The following USP53 variants were observed in gnomAD, a reference collection of about 807,000 sequenced individuals.
The protein encoded by USP53 is ubiquitin carboxyl-terminal hydrolase 53.
Under a neutral mutation model 94.9 loss-of-function variants are expected in USP53, and 71 were observed. The observed-to-expected ratio is 0.75, with a 90% CI of 0.62 to 0.91. The LOEUF (loss-of-function observed/expected upper bound fraction) is 0.91. Among genes scored for constraint, USP53 ranks in the 40% least tolerant of loss-of-function variants. The pLI, the probability that USP53 is intolerant of heterozygous loss-of-function variation, is 0.00. For synonymous variants in USP53, 375 were observed against 422.7 expected (o/e 0.89, Z 1.39); for missense variants, 1,173 against 1,281.0 (o/e 0.92, Z 1.29).
chr4:119,249,277 T>C (rs1050048972), intron 7 of USP53, among the ~76,000 whole-genome samples: 11 of 152,112 alleles, frequency 7.2e-5, no homozygotes, highest in African/African-American at 2.4e-4. Flanking sequence ...AAGGGGATTT[T>C]GGTGGGATTT....
intron 17 of USP53, among the ~76,000 whole-genome samples, chr4:119,284,689 T>C (rs577740321): frequency 6.6e-6 from 1 of 152,054 alleles, no homozygotes; most frequent in African/African-American, 2.4e-5. Context: ...AGACTAATGG[T>C]TGCACAGCAG....
rs1291418155 is a variant in USP53 at position 119,260,418 on chromosome 4, GT to G, written c.676-87del. 10 of 1,183,480 alleles carry G rather than the reference GT, an allele frequency of 8.4e-6. No individual in the cohort carries two copies. In the African/African-American group the frequency reaches 1.5e-4, roughly 18 times the overall value. 73.3% of individuals were successfully genotyped at this position (1,183,480 alleles called of 1,614,324 possible). ...TATACTGAATAAATTGCAGATATGT[GT>G]TAAAATTGTCATTATATAATGCAAA... On this transcript the variant is annotated intron_variant, in intron 10 of 18. Coordinates refer to ENST00000692078, the MANE Select transcript of USP53 (RefSeq NM_001371395.1).
chr4:119,290,717 C>T (rs1754652113), intron 17 of USP53, among the ~76,000 whole-genome samples: 1 of 152,054 alleles, frequency 6.6e-6, no homozygotes, highest in Non-Finnish European at 1.5e-5. Context: ...TATCATTATC[C>T]CATTATATAA....
intron 12 of USP53, among the ~76,000 whole-genome samples, chr4:119,262,544 A>C (rs1750637206): frequency 6.6e-6 from 1 of 152,202 alleles, no homozygotes. Context: ...AGTTACTTAG[A>C]AAATTATAAG....
intron 7 of USP53, among the ~76,000 whole-genome samples, chr4:119,250,134 A>G (rs1402927783): frequency 6.6e-6 from 1 of 152,098 alleles, no homozygotes; most frequent in Non-Finnish European, 1.5e-5. Context: ...TTTTCTTCCT[A>G]GTGAGATTAT....
At chr4:119,234,256 C>T (rs920532373) in intron 3 of USP53, among the ~76,000 whole-genome samples, 1 of 152,150 alleles carries the variant, frequency 6.6e-6, no homozygotes, top group African/African-American at 2.4e-5. Context: ...AGGTCTTTTC[C>T]ATTTGGTAGC....
At chr4:119,261,666 T>G in intron 11 of USP53, 49 bp from the exon 12 acceptor site, 2 of 1,425,830 alleles carry the variant, frequency 1.4e-6, no homozygotes, top group Non-Finnish European at 9.6e-7. Flanking sequence ...TATTCCTCAT[T>G]TTACAAAAGA....
intron 15 of USP53, among the ~76,000 whole-genome samples, chr4:119,270,248 C>A (rs1216139485): frequency 6.6e-6 from 1 of 151,638 alleles, no homozygotes; most frequent in Non-Finnish European, 1.5e-5. Flanking sequence ...GCACATGCCA[C>A]CACACCTGGC....
At chr4:119,273,454 C>CA in intron 16 of USP53, 178 bp from the exon 17 acceptor site, 1 of 457,956 alleles carries the variant, frequency 2.2e-6, no homozygotes, top group Non-Finnish European at 4.0e-6. Flanking sequence ...TTGACTTTTA[C>CA]AGTCTTTATC....
chr4:119,268,446 C>T, intron 14 of USP53, 26 bp downstream of exon 14: 1 of 1,585,432 alleles, frequency 6.3e-7, no homozygotes, highest in South Asian at 1.2e-5. Context: ...GTCATTTTTA[C>T]ATAGTTCCAA....
At chr4:119,214,435 C>G (rs1199682526) in intron 2 of USP53, among the ~76,000 whole-genome samples, 1 of 151,682 alleles carries the variant, frequency 6.6e-6, no homozygotes, top group African/African-American at 2.4e-5. Context: ...CTGGCCTTTC[C>G]TTTTTCCTAA....
At chr4:119,230,505 C>T (rs192232683) in intron 3 of USP53, among the ~76,000 whole-genome samples, 4 of 152,276 alleles carry the variant, frequency 2.6e-5, no homozygotes, top group Non-Finnish European at 5.9e-5. Context: ...GTGTCCATGA[C>T]CCTTGATAGG....
chr4:119,238,896 A>G (rs1356329061), intron 4 of USP53, among the ~76,000 whole-genome samples: 1 of 152,324 alleles, frequency 6.6e-6, no homozygotes, highest in African/African-American at 2.4e-5. Flanking sequence ...AAGAAGGATA[A>G]CAATATATTC....
At chr4:119,213,641 G>GATAGATATATATATATATATATATAT (rs1553961988) in intron 1 of USP53, among the ~76,000 whole-genome samples, 1 of 108,114 alleles carries the variant, frequency 9.2e-6, no homozygotes, top group African/African-American at 4.2e-5. Flanking sequence ...TCTGGAAATA[G>GATAGATATATATATATATATATATAT]ATATATATAT....
intron 9 of USP53, among the ~76,000 whole-genome samples, chr4:119,257,036 A>T (rs1025181728): frequency 6.6e-6 from 1 of 151,682 alleles, no homozygotes; most frequent in African/African-American, 2.4e-5. Context: ...CTGCCCACTC[A>T]CTCTCTCCCT....
intron 17 of USP53, among the ~76,000 whole-genome samples, chr4:119,279,151 C>T (rs1340876038): frequency 5.4e-5 from 8 of 148,210 alleles, no homozygotes; most frequent in South Asian, 4.4e-4. Context: ...TGAGGAACTG[C>T]GTTCCTTTGA....
At chr4:119,212,920 G>C (rs181671529) in intron 1 of USP53, 47 bp downstream of exon 1, 49 of 176,954 alleles carry the variant, frequency 2.8e-4, no homozygotes, top group Non-Finnish European at 5.1e-4. Context: ...AGAGACCTGC[G>C]ACCCCCGCGG....
chr4:119,291,164 G>C lies in USP53; in HGVS notation c.2252-1G>C. The C allele has an allele frequency of 1.7e-6, 1 of 585,470 alleles. No individual in the cohort carries two copies. Among genetic ancestry groups the C allele is most frequent in the Non-Finnish European group, 2.6e-6 (1 of 381,266 alleles). 36.3% of individuals were successfully genotyped at this position (585,470 alleles called of 1,614,324 possible). A position where few individuals can be genotyped will look rare whatever the true frequency, so the allele number is the denominator to read the frequency against. ...CTTCTCCCCACCCCACCCAACCCTA[G>C]GCTTTAGAAAAGAACTCAGGAATTT... On this transcript the variant is annotated splice_acceptor_variant, in intron 17 of 18. Coordinates refer to ENST00000692078, the MANE Select transcript of USP53 (RefSeq NM_001371395.1). LOFTEE classifies it high-confidence loss of function.
At chr4:119,289,679 A>G (rs1754517203) in intron 17 of USP53, among the ~76,000 whole-genome samples, 1 of 152,204 alleles carries the variant, frequency 6.6e-6, no homozygotes, top group Non-Finnish European at 1.5e-5. Context: ...TGCTTTGTTG[A>G]TACATTGGTG....
Sources: gnomAD v4.1 joint callset for allele counts (sites outside exome capture counted in the v4.1 genomes callset) on GRCh38, gnomAD v4.1.1 for gene constraint, MANE v1.5 for transcripts, NCBI Gene and HGNC (gene_info 2026-07-23, HGNC 2026-07-21) for gene names.